KCTD8: variants seen among roughly 807,000 people sequenced by gnomAD.
The protein encoded by KCTD8 is potassium channel tetramerization domain containing 8.
A neutral mutation model predicts 31.5 loss-of-function variants in KCTD8; 27 were observed. The observed-to-expected ratio is 0.86, with a 90% confidence interval of 0.63 to 1.18. The LOEUF is 1.18. Ranked by LOEUF, KCTD8 falls within the 50% of genes most tolerant of loss-of-function variation. KCTD8 has a pLI of 0.00. For missense variants in KCTD8, 658 were observed against 647.7 expected (o/e 1.02, Z -0.17); for synonymous variants, 290 against 280.0 (o/e 1.04, Z -0.36).
At chr4:44,182,852 C>T (rs1035884329) in intron 1 of KCTD8, among the ~76,000 whole-genome samples, 2 of 152,158 alleles carry the variant, frequency 1.3e-5, no homozygotes, top group African/African-American at 2.4e-5. Flanking sequence ...TGCTTACTTT[C>T]CTTGGGCCTC....
At chr4:44,187,009 G>T (rs1384591795) in intron 1 of KCTD8, among the ~76,000 whole-genome samples, 1 of 152,080 alleles carries the variant, frequency 6.6e-6, no homozygotes, top group Non-Finnish European at 1.5e-5. Flanking sequence ...TCAGCTTAAG[G>T]TGTGTAACAA....
intron 1 of KCTD8, among the ~76,000 whole-genome samples, chr4:44,302,703 C>A (rs540835322): frequency 4.8e-4 from 73 of 151,810 alleles, no homozygotes; most frequent in East Asian, 1.7e-3. Context: ...AATTGAATAC[C>A]CTTTATTTCC....
intron 1 of KCTD8, among the ~76,000 whole-genome samples, chr4:44,398,383 A>G (rs1399371043): frequency 1.3e-5 from 2 of 152,216 alleles, no homozygotes; most frequent in African/African-American, 4.8e-5. Flanking sequence ...CTCAGGAGAA[A>G]TAAAACAAAC....
At chr4:44,408,990 C>G (rs1720888113) in intron 1 of KCTD8, among the ~76,000 whole-genome samples, 2 of 151,504 alleles carry the variant, frequency 1.3e-5, no homozygotes, top group Admixed American at 1.3e-4. Flanking sequence ...CACCTGTAAC[C>G]CTAGTACTTT....
intron 1 of KCTD8, among the ~76,000 whole-genome samples, chr4:44,301,714 T>C (rs1489127560): frequency 6.6e-6 from 1 of 152,210 alleles, no homozygotes; most frequent in Non-Finnish European, 1.5e-5. Flanking sequence ...AGAAGCTCTT[T>C]AGTTTAATTA....
At chr4:44,185,031 T>C (rs1713538347) in intron 1 of KCTD8, among the ~76,000 whole-genome samples, 1 of 152,244 alleles carries the variant, frequency 6.6e-6, no homozygotes, top group African/African-American at 2.4e-5. Flanking sequence ...AAATATAATG[T>C]AGCATGAGAA....
intron 1 of KCTD8, among the ~76,000 whole-genome samples, chr4:44,443,614 T>C (rs1721865559): frequency 6.6e-6 from 1 of 152,094 alleles, no homozygotes; most frequent in Non-Finnish European, 1.5e-5. Flanking sequence ...CAAAAAAAGA[T>C]ATACCAAATT....
chr4:44,306,646 A>T (rs1422334893), intron 1 of KCTD8, among the ~76,000 whole-genome samples: 1 of 151,786 alleles, frequency 6.6e-6, no homozygotes. Flanking sequence ...TAATTAATGG[A>T]CTGGTATAAC....
chr4:44,235,577 T>TATATATATA (rs1715265203), intron 1 of KCTD8, among the ~76,000 whole-genome samples: 20 of 38,910 alleles, frequency 5.1e-4, no homozygotes, highest in South Asian at 2.0e-3. Flanking sequence ...ATATATATAT[T>TATATATATA]TAGAGAGAGA....
At chr4:44,203,791 A>G (rs1714220588) in intron 1 of KCTD8, among the ~76,000 whole-genome samples, 1 of 151,792 alleles carries the variant, frequency 6.6e-6, no homozygotes, top group African/African-American at 2.4e-5. Context: ...TAAAATGAGA[A>G]CGATATAATA....
intron 1 of KCTD8, among the ~76,000 whole-genome samples, chr4:44,297,510 C>T (rs957889762): frequency 6.7e-6 from 1 of 150,286 alleles, no homozygotes; most frequent in Non-Finnish European, 1.5e-5. Context: ...AGTATATGTG[C>T]ATCTTTTCTA....
At chr4:44,341,372 T>G (rs1033448526) in intron 1 of KCTD8, among the ~76,000 whole-genome samples, 1 of 152,180 alleles carries the variant, frequency 6.6e-6, no homozygotes, top group African/African-American at 2.4e-5. Context: ...CAATGAAGAT[T>G]GCCTCATTGA....
At chr4:44,238,195 C>A (rs1715346166) in intron 1 of KCTD8, among the ~76,000 whole-genome samples, 1 of 152,004 alleles carries the variant, frequency 6.6e-6, no homozygotes, top group East Asian at 1.9e-4. Flanking sequence ...CAAAGTTCTC[C>A]CCGCCCTACA....
intron 1 of KCTD8, among the ~76,000 whole-genome samples, chr4:44,329,086 T>C (rs1718526063): frequency 6.6e-6 from 1 of 151,764 alleles, no homozygotes; most frequent in South Asian, 2.1e-4. Flanking sequence ...TTTAGAATAT[T>C]ACATCAAAGA....
chr4:44,211,965 T>C (rs958619427), intron 1 of KCTD8, among the ~76,000 whole-genome samples: 2 of 152,156 alleles, frequency 1.3e-5, no homozygotes, highest in Non-Finnish European at 2.9e-5. Context: ...TTCCTCTTTT[T>C]TACCTAATAT....
intron 1 of KCTD8, among the ~76,000 whole-genome samples, chr4:44,401,010 TC>T (rs1378458613): frequency 4.5e-5 from 5 of 111,294 alleles, no homozygotes; most frequent in Non-Finnish European, 8.6e-5. Flanking sequence ...TAATTTTCTT[TC>T]TTTTTTTTTT....
intron 1 of KCTD8, among the ~76,000 whole-genome samples, chr4:44,300,672 C>T (rs1403857387): frequency 2.6e-5 from 4 of 151,336 alleles, no homozygotes; most frequent in South Asian, 4.2e-4. Context: ...TTTTTAAATG[C>T]TTATTCAAAC....
chr4:44,424,885 T>C (rs1327311436), intron 1 of KCTD8, among the ~76,000 whole-genome samples: 2 of 152,018 alleles, frequency 1.3e-5, no homozygotes, highest in African/African-American at 4.8e-5. Context: ...CAAATTCATC[T>C]TGAAGTTCTA....
intron 1 of KCTD8, among the ~76,000 whole-genome samples, chr4:44,193,959 A>G (rs538298878): frequency 6.6e-6 from 1 of 152,336 alleles, no homozygotes; most frequent in East Asian, 1.9e-4. Context: ...ACAGAGTGAA[A>G]TTAGGAAAAT....
Sources: gnomAD v4.1 joint callset for allele counts (sites outside exome capture counted in the v4.1 genomes callset) on GRCh38, gnomAD v4.1.1 for gene constraint, MANE v1.5 for transcripts, NCBI Gene and HGNC (gene_info 2026-07-23, HGNC 2026-07-21) for gene names.